SRPK2: variants seen among roughly 807,000 people sequenced by gnomAD.
SRPK2 encodes the protein SFRS protein kinase 2.
A neutral mutation model predicts 90.8 loss-of-function variants in SRPK2; 21 were observed. That is an observed-to-expected ratio of 0.23 (90% CI 0.16 to 0.33). SRPK2 has a LOEUF of 0.33. Among genes scored for constraint, SRPK2 ranks in the 10% least tolerant of loss-of-function variants. SRPK2 has a pLI of 1.00. For missense variants in SRPK2, 620 were observed against 869.0 expected, an observed-to-expected ratio of 0.71 and a Z score of 3.60; for synonymous variants, 288 against 311.1, an observed-to-expected ratio of 0.93 and a Z score of 0.78.
At chr7:105,232,334 C>T (rs1167891135) in intron 2 of SRPK2, among the ~76,000 whole-genome samples, 1 of 151,926 alleles carries the variant, frequency 6.6e-6, no homozygotes, top group Non-Finnish European at 1.5e-5. Context: ...TGGCACATGC[C>T]TGTAATCTCA....
At chr7:105,391,630 G>A (rs542589503), upstream of SRPK2, among the ~76,000 whole-genome samples, 25 of 151,954 alleles carry the variant, frequency 1.6e-4, no homozygotes, top group African/African-American at 5.3e-4. Flanking sequence ...AACTATGATC[G>A]CACCACTGCA....
intron 2 of SRPK2, among the ~76,000 whole-genome samples, chr7:105,387,978 C>G (rs556053144): frequency 6.6e-6 from 1 of 152,168 alleles, no homozygotes; most frequent in Non-Finnish European, 1.5e-5. Flanking sequence ...AGCCCGCGAC[C>G]CCGGCGCCCG....
chr7:105,286,839 A>G (rs545226569), intron 2 of SRPK2, among the ~76,000 whole-genome samples: 1 of 152,394 alleles, frequency 6.6e-6, no homozygotes, highest in South Asian at 2.1e-4. Flanking sequence ...TCTACCCTAG[A>G]AAGACATTTA....
intron 2 of SRPK2, among the ~76,000 whole-genome samples, chr7:105,385,234 G>T (rs1486041979): frequency 1.5e-5 from 2 of 134,754 alleles, no homozygotes; most frequent in African/African-American, 2.8e-5. Context: ...AAGCTGGAGT[G>T]CAGTGGCACA....
At chr7:105,363,119 T>C (rs941664283) in intron 2 of SRPK2, among the ~76,000 whole-genome samples, 3 of 152,016 alleles carry the variant, frequency 2.0e-5, no homozygotes, top group African/African-American at 7.3e-5. Flanking sequence ...CACACCAACA[T>C]GGCACATGTA....
chr7:105,306,989 A>C (rs555401849), intron 2 of SRPK2, among the ~76,000 whole-genome samples: 1 of 152,296 alleles, frequency 6.6e-6, no homozygotes, highest in African/African-American at 2.4e-5. Flanking sequence ...TTATTTTATA[A>C]CTCTGGTGAA....
intron 2 of SRPK2, among the ~76,000 whole-genome samples, chr7:105,216,577 T>G (rs62484666): frequency 0.065 from 9,786 of 149,800 alleles, 426 homozygotes; most frequent in Middle Eastern, 0.14. Flanking sequence ...TCACTTTAAC[T>G]CGGGAGGCAG....
At chr7:105,187,212 G>GT (rs1793696709) in intron 3 of SRPK2, among the ~76,000 whole-genome samples, 1 of 152,206 alleles carries the variant, frequency 6.6e-6, no homozygotes, top group Non-Finnish European at 1.5e-5. Flanking sequence ...GGTTCTGCAG[G>GT]TAAGATGTGC....
intron 2 of SRPK2, among the ~76,000 whole-genome samples, chr7:105,238,572 C>T (rs921631872): frequency 4.6e-5 from 7 of 152,214 alleles, no homozygotes; most frequent in African/African-American, 7.2e-5. Context: ...GGTTTGCCCA[C>T]AGCTGCTGCC....
chr7:105,363,073 A>G (rs1319044949), intron 2 of SRPK2, among the ~76,000 whole-genome samples: 5 of 152,108 alleles, frequency 3.3e-5, no homozygotes, highest in Admixed American at 3.3e-4. Flanking sequence ...GCATTAGGAG[A>G]TATACTTAAT....
intron 2 of SRPK2, among the ~76,000 whole-genome samples, chr7:105,264,798 C>T (rs1207908070): frequency 6.6e-6 from 1 of 152,190 alleles, no homozygotes; most frequent in Non-Finnish European, 1.5e-5. Flanking sequence ...CATCCACTCA[C>T]ACTGAACAGC....
chr7:105,380,722 C>T (rs1463743384), intron 2 of SRPK2, among the ~76,000 whole-genome samples: 4 of 151,436 alleles, frequency 2.6e-5, no homozygotes, highest in Non-Finnish European at 5.9e-5. Context: ...CGGGGTTTCG[C>T]CATGTTGGTC....
Position 105,233,083 on chromosome 7 carries a change from GGAAGGAAA to G in SRPK2, c.72-29306_72-29299del, listed in dbSNP as rs796617196. ...GGGAGCAAGGAAGGAAGGAAGGAAA[GGAAGGAAA>G]GAAGGAAGGAAGGAAGGAAGGAAGG... On this transcript the variant is annotated intron_variant, in intron 2 of 15. Transcript: ENST00000393651. 6.8e-3 allele frequency among the ~76,000 whole-genome samples: 806 copies of G among 119,398 alleles called. 18 individuals are homozygous for G. Among genetic ancestry groups the G allele is most frequent in the South Asian group, 0.062 (204 of 3,300 alleles). The allele number at this position is 119,398 out of a possible 152,430, so 78.3% of individuals were successfully genotyped here.
chr7:105,150,988 G>C (rs574545294), intron 7 of SRPK2, among the ~76,000 whole-genome samples: 1 of 152,250 alleles, frequency 6.6e-6, no homozygotes, highest in Non-Finnish European at 1.5e-5. Context: ...GCACAGTTAA[G>C]AGTTAATGTG....
intron 2 of SRPK2, among the ~76,000 whole-genome samples, chr7:105,277,053 C>T (rs1234775071): frequency 6.6e-6 from 1 of 151,612 alleles, no homozygotes; most frequent in Non-Finnish European, 1.5e-5. Context: ...GCTTATGGAG[C>T]CCTTCTTGGT....
chr7:105,226,734 G>A (rs118120300), intron 2 of SRPK2, among the ~76,000 whole-genome samples: 3 of 98,764 alleles, frequency 3.0e-5, no homozygotes, highest in South Asian at 3.1e-4. Flanking sequence ...GGCCAGGCAC[G>A]ATGGCTCATA....
At chr7:105,167,930 T>A (rs573023425) in intron 5 of SRPK2, 78 bp downstream of exon 5, 14 of 1,227,878 alleles carry the variant, frequency 1.1e-5, no homozygotes, top group Non-Finnish European at 1.6e-5. Context: ...TTTAATTTAG[T>A]ATTACCCAGA....
At chr7:105,399,041 A>G (rs1356140569) in intron 1 of SRPK2, 1 of 152,220 alleles carries the variant, frequency 6.6e-6, no homozygotes, top group Non-Finnish European at 1.5e-5. Context: ...CATTCAATAA[A>G]TATTAGCTGA....
At chr7:105,197,061 T>G (rs1181159984) in intron 3 of SRPK2, among the ~76,000 whole-genome samples, 2 of 150,616 alleles carry the variant, frequency 1.3e-5, no homozygotes, top group African/African-American at 4.9e-5. Flanking sequence ...AAAAATAAAA[T>G]AAAATAAATC....
Sources: gnomAD v4.1 joint callset for allele counts (sites outside exome capture counted in the v4.1 genomes callset) on GRCh38, gnomAD v4.1.1 for gene constraint, MANE v1.5 for transcripts, NCBI Gene and HGNC (gene_info 2026-07-23, HGNC 2026-07-21) for gene names.